Variants in NDRG3 observed in about 807,000 individuals in gnomAD.
NDRG3 encodes NDRG family member 3.
NDRG3 carries 23 observed loss-of-function variants against 57.2 expected under a neutral mutation model. That is an observed-to-expected ratio of 0.40 (90% CI 0.29 to 0.57). NDRG3 has a LOEUF of 0.57. NDRG3 is among the 20% of genes least tolerant of loss of function. NDRG3 has a pLI of 0.42. For synonymous variants in NDRG3, 132 were observed against 162.6 expected, an observed-to-expected ratio of 0.81 and a Z score of 1.43; for missense variants, 384 against 457.3, an observed-to-expected ratio of 0.84 and a Z score of 1.46.
intron 2 of NDRG3, among the ~76,000 whole-genome samples, chr20:36,714,113 G>A (rs528762159): frequency 1.1e-4 from 17 of 151,988 alleles, no homozygotes; most frequent in East Asian, 5.8e-4. Context: ...CAGCAGGGCC[G>A]TGCGCGGTGG....
At chr20:36,685,998 C>G (rs1389550487) in intron 5 of NDRG3, among the ~76,000 whole-genome samples, 1 of 152,122 alleles carries the variant, frequency 6.6e-6, no homozygotes, top group Non-Finnish European at 1.5e-5. Context: ...AAACAAAGCA[C>G]TATCCTATCT....
At chr20:36,732,557 A>T (rs1985346907) in intron 1 of NDRG3, among the ~76,000 whole-genome samples, 1 of 152,164 alleles carries the variant, frequency 6.6e-6, no homozygotes, top group Non-Finnish European at 1.5e-5. Flanking sequence ...TCAAGGGAAA[A>T]GATTGGGCAG....
chr20:36,673,379 A>C (rs747104713), intron 8 of NDRG3, among the ~76,000 whole-genome samples: 21 of 152,110 alleles, frequency 1.4e-4, no homozygotes, highest in Non-Finnish European at 2.9e-4. Context: ...GAAAAAACAG[A>C]ATACAAAAGA....
intron 2 of NDRG3, among the ~76,000 whole-genome samples, chr20:36,720,647 T>G (rs776086793): frequency 6.6e-6 from 1 of 152,148 alleles, no homozygotes; most frequent in Non-Finnish European, 1.5e-5. Flanking sequence ...CTTGGCAAAC[T>G]TCAGGGAGAA....
intron 9 of NDRG3, among the ~76,000 whole-genome samples, chr20:36,666,840 C>A (rs563708843): frequency 6.2e-4 from 94 of 152,118 alleles, no homozygotes; most frequent in Admixed American, 1.8e-3. Context: ...TGTAACATTT[C>A]TTTTCTTTTT....
chr20:36,705,578 A>G (rs1296087945), intron 3 of NDRG3, among the ~76,000 whole-genome samples: 1 of 152,126 alleles, frequency 6.6e-6, no homozygotes, highest in Admixed American at 6.6e-5. Context: ...ACTGGAAGCA[A>G]GGACGTTGCC....
At chr20:36,719,927 C>T (rs1984497733) in intron 2 of NDRG3, among the ~76,000 whole-genome samples, 1 of 151,686 alleles carries the variant, frequency 6.6e-6, no homozygotes, top group African/African-American at 2.4e-5. Context: ...CCAGCCTGAC[C>T]AACATGGTGA....
intron 3 of NDRG3, among the ~76,000 whole-genome samples, chr20:36,689,779 GGC>G (rs1477436887): frequency 6.7e-6 from 1 of 150,300 alleles, no homozygotes; most frequent in East Asian, 2.0e-4. Context: ...GGAGTGCAGT[GGC>G]GCGATCTCGG....
At chr20:36,711,773 A>G (rs1449746170) in intron 2 of NDRG3, among the ~76,000 whole-genome samples, 1 of 152,172 alleles carries the variant, frequency 6.6e-6, no homozygotes, top group Non-Finnish European at 1.5e-5. Context: ...ACTATTTAGC[A>G]CTTGTTTTCC....
rs368214188 is a variant in NDRG3, at chr20:36,698,748, G to A, written c.93+8224C>T. On this transcript the variant is annotated intron_variant, in intron 3 of 15. Coordinates refer to ENST00000349004, the MANE Select transcript of NDRG3 (RefSeq NM_032013.4). ...ATGGGGAAATTAATAAATGAATTAC[G>A]ATTTATTCATATAATGACATACAGA... 4.6e-4 allele frequency among the ~76,000 whole-genome samples: 70 copies of A among 151,930 alleles called. No individual in the cohort carries two copies. In the East Asian group the frequency reaches 5.4e-3, roughly 12 times the overall value.
chr20:36,722,959 A>C (rs1438028998), intron 1 of NDRG3, among the ~76,000 whole-genome samples: 1 of 152,222 alleles, frequency 6.6e-6, no homozygotes, highest in East Asian at 1.9e-4. Context: ...GGACACTCAA[A>C]CAGCCCTCTG....
chr20:36,656,595 C>T, intron 13 of NDRG3, 63 bp from the exon 14 acceptor site: 3 of 1,572,950 alleles, frequency 1.9e-6, no homozygotes, highest in Non-Finnish European at 2.6e-6. Flanking sequence ...CTCTGAACAC[C>T]CCAAGTCCTT....
chr20:36,690,099 G>C (rs1301021856), intron 3 of NDRG3, among the ~76,000 whole-genome samples: 1 of 152,094 alleles, frequency 6.6e-6, no homozygotes. Flanking sequence ...ATTTTAGTAG[G>C]CATTTCCACT....
At chr20:36,671,485 A>C (rs1980156056) in intron 8 of NDRG3, 88 bp from the exon 9 acceptor site, 1 of 949,192 alleles carries the variant, frequency 1.1e-6, no homozygotes, top group East Asian at 2.5e-5. Context: ...ACTTTATTAT[A>C]TATGTTATCT....
intron 3 of NDRG3, among the ~76,000 whole-genome samples, chr20:36,699,203 C>T (rs1302315278): frequency 6.6e-6 from 1 of 152,102 alleles, no homozygotes; most frequent in African/African-American, 2.4e-5. Flanking sequence ...CCAAATCAGC[C>T]ACCCAAAGCG....
chr20:36,741,860 G>A (rs1342064471), intron 1 of NDRG3, among the ~76,000 whole-genome samples: 1 of 152,154 alleles, frequency 6.6e-6, no homozygotes, highest in African/African-American at 2.4e-5. Flanking sequence ...CAGGAATATG[G>A]GTTTTAATAA....
At chr20:36,711,907 G>A (rs1385233065) in intron 2 of NDRG3, among the ~76,000 whole-genome samples, 2 of 152,020 alleles carry the variant, frequency 1.3e-5, no homozygotes, top group African/African-American at 4.8e-5. Context: ...AGCCTCCCAA[G>A]CAGCTGGGAC....
At position 36,671,165 on chromosome 20, in the gene NDRG3, A is replaced by G. The variant is rs112850925; in HGVS notation, c.588+176T>C. 7.6e-3 allele frequency among the ~76,000 whole-genome samples: 1,164 copies of G among 152,334 alleles called. 19 individuals are homozygous for G. The highest frequency in any genetic ancestry group is 0.027 in the African/African-American group (1,135 of 41,580). On this transcript the variant is annotated intron_variant, in intron 9 of 15. Coordinates refer to ENST00000349004, the MANE Select transcript of NDRG3 (RefSeq NM_032013.4). ...CTCATAGCTCCACATGTCAACAGCT[A>G]TGTGGCAATGAGTTAAAGATTCACC... is the stretch of plus-strand genomic sequence containing the variant.
chr20:36,654,153 G>A (rs1978449903), intron 15 of NDRG3, among the ~76,000 whole-genome samples: 1 of 152,224 alleles, frequency 6.6e-6, no homozygotes, highest in African/African-American at 2.4e-5. Flanking sequence ...CGTGTCCACA[G>A]GCTACCTTGC....
Sources: allele counts gnomAD v4.1 joint callset (sites outside exome capture counted in the v4.1 genomes callset), GRCh38; gene constraint gnomAD v4.1.1; transcripts MANE v1.5; gene names NCBI Gene and HGNC (gene_info 2026-07-23, HGNC 2026-07-21).